The following PLXNA4 variants were observed in gnomAD, a reference collection of about 807,000 sequenced individuals.
PLXNA4 encodes the protein plexin A4.
In PLXNA4, 44 loss-of-function variants were observed where a neutral mutation model predicts 191.8. The ratio of observed to expected loss-of-function variants is 0.23; its 90% CI spans 0.18 to 0.29. The LOEUF (loss-of-function observed/expected upper bound fraction) is 0.29. PLXNA4 is among the 10% of genes least tolerant of loss of function. The probability of loss-of-function intolerance (pLI) is 1.00; values close to 1 mark genes in which losing one functional copy is unlikely to be tolerated. For synonymous variants in PLXNA4, 1,082 were observed against 1,009.5 expected, an observed-to-expected ratio of 1.07 and a Z score of -1.36; for missense variants, 1,800 against 2,488.8, an observed-to-expected ratio of 0.72 and a Z score of 5.89.
chr7:132,580,456 G>A (rs1802381485), upstream of PLXNA4, among the ~76,000 whole-genome samples: 1 of 152,134 alleles, frequency 6.6e-6, no homozygotes, highest in Non-Finnish European at 1.5e-5. Context: ...CTCTTGCCTG[G>A]TCGTGAAACT....
At chr7:132,375,267 C>A (rs757162084) in intron 3 of PLXNA4, among the ~76,000 whole-genome samples, 4 of 144,940 alleles carry the variant, frequency 2.8e-5, no homozygotes, top group Non-Finnish European at 5.9e-5. Flanking sequence ...TGGTCCTTCC[C>A]CTTAACTCCA....
At chr7:132,349,281 C>T (rs1390325754) in intron 3 of PLXNA4, among the ~76,000 whole-genome samples, 2 of 152,138 alleles carry the variant, frequency 1.3e-5, no homozygotes, top group Non-Finnish European at 2.9e-5. Flanking sequence ...TCACTCCCTA[C>T]TGAAATAGAG....
chr7:132,265,968 T>C (rs1799840822), intron 4 of PLXNA4, among the ~76,000 whole-genome samples: 1 of 152,062 alleles, frequency 6.6e-6, no homozygotes, highest in South Asian at 2.1e-4. Context: ...AAAAAGTCAT[T>C]AGAAAAGAGG....
At chr7:132,589,890 A>T (rs1585389730) in intron 2 of PLXNA4, among the ~76,000 whole-genome samples, 1 of 152,348 alleles carries the variant, frequency 6.6e-6, no homozygotes, top group South Asian at 2.1e-4. Flanking sequence ...AGGAGCCAGC[A>T]GACGAGAGAA....
chr7:132,491,401 G>A (rs1797792706), intron 2 of PLXNA4, among the ~76,000 whole-genome samples: 1 of 152,214 alleles, frequency 6.6e-6, no homozygotes, highest in Non-Finnish European at 1.5e-5. Flanking sequence ...GGTGCGGGCA[G>A]GCACTGTCCC....
At chr7:132,542,321 T>C (rs1407698508) in intron 1 of PLXNA4, among the ~76,000 whole-genome samples, 1 of 152,178 alleles carries the variant, frequency 6.6e-6, no homozygotes, top group Non-Finnish European at 1.5e-5. Context: ...CAGATAAAGC[T>C]TGGTAAATAA....
intron 1 of PLXNA4, among the ~76,000 whole-genome samples, chr7:132,551,536 C>A (rs1044683278): frequency 6.6e-6 from 1 of 152,142 alleles, no homozygotes; most frequent in Non-Finnish European, 1.5e-5. Context: ...AGTGAGTATA[C>A]CTCGCTGGAG....
At chr7:132,137,809 GGATGGATGGGAGGACAGGCGGGAC>G (rs1163250676) in intron 30 of PLXNA4, among the ~76,000 whole-genome samples, 17 of 151,970 alleles carry the variant, frequency 1.1e-4, no homozygotes, top group African/African-American at 4.1e-4. Flanking sequence ...GCAGGTGGGA[GGATGGATGGGAGGACAGGCGGGAC>G]GATGGGTTAG....
chr7:132,297,232 A>T (rs571879444), intron 4 of PLXNA4, among the ~76,000 whole-genome samples: 1 of 152,102 alleles, frequency 6.6e-6, no homozygotes, highest in African/African-American at 2.4e-5. Context: ...ATACATATTC[A>T]TGGGATAGAG....
intron 2 of PLXNA4, among the ~76,000 whole-genome samples, chr7:132,591,147 G>C (rs757799339): frequency 6.6e-6 from 1 of 152,184 alleles, no homozygotes; most frequent in African/African-American, 2.4e-5. Context: ...AAGAGTCAAG[G>C]TGTCATCCTC....
At position 132,159,495 on chromosome 7, in the gene PLXNA4, G is replaced by A; in HGVS notation, c.4638C>T (p.Pro1546=). The change falls in exon 25 of 32, where the codon CCC becomes CCT. Residue 1546 remains proline (P), a synonymous_variant. Coordinates refer to ENST00000321063, the MANE Select transcript of PLXNA4 (RefSeq NM_020911.2). ...IFKNVPCSHR[P]KAADMDLEWR... ...CACCCAGATCCATATCTGCAGCTTT[G>A]GGCCGGTGGGAGCAAGGCACATTCT... is the stretch of plus-strand genomic sequence containing the variant. The A allele has an allele frequency of 2.5e-6, 4 of 1,614,120 alleles. No individual in the cohort carries two copies. The highest frequency in any genetic ancestry group is 3.4e-6 in the Non-Finnish European group (4 of 1,180,028).
At chr7:132,397,862 G>A (rs998121693) in intron 3 of PLXNA4, among the ~76,000 whole-genome samples, 2 of 152,226 alleles carry the variant, frequency 1.3e-5, no homozygotes, top group Non-Finnish European at 2.9e-5. Context: ...AGGGGAGAAA[G>A]GTGATATACC....
chr7:132,188,916 G>A lies in PLXNA4; in HGVS notation c.2857-1309C>T, dbSNP rs1019050663. On this transcript the variant is annotated intron_variant, in intron 14 of 31. Coordinates refer to ENST00000321063, the MANE Select transcript of PLXNA4 (RefSeq NM_020911.2). ...CAGTACCTCTTCAAATGGTACTTGT[G>A]CCCATCTTAAAGTATCCCCACCAAC... Among the ~76,000 whole-genome samples, 9 of 137,618 alleles carry A rather than the reference G, an allele frequency of 6.5e-5. 1 individual carries two copies. The highest frequency in any genetic ancestry group is 2.4e-4 in the African/African-American group (9 of 37,720). 90.3% of individuals were successfully genotyped at this position (137,618 alleles called of 152,430 possible). A position where few individuals can be genotyped will look rare whatever the true frequency, so the allele number is the denominator to read the frequency against.
intron 2 of PLXNA4, among the ~76,000 whole-genome samples, chr7:132,597,835 G>A (rs994468028): frequency 1.4e-4 from 18 of 126,140 alleles, no homozygotes; most frequent in African/African-American, 4.9e-4. Flanking sequence ...ATCCATCCAT[G>A]TTGCGCTCTC....
At position 132,203,571 on chromosome 7, in the gene PLXNA4, C is replaced by G. The variant is rs79836203; in HGVS notation, c.2299-152G>C. 5.4e-4 allele frequency: 359 copies of G among 665,620 alleles called. 2 individuals carry two copies. In the African/African-American group the frequency reaches 5.9e-3, roughly 11 times the overall value. 41.2% of individuals were successfully genotyped at this position (665,620 alleles called of 1,614,324 possible). ...GTGCATGTGTCTACCTGTGTGCATA[C>G]AAGTATGCACATGCACATGTGTGTA... On this transcript the variant is annotated intron_variant, in intron 10 of 31. Coordinates refer to ENST00000321063, the MANE Select transcript of PLXNA4 (RefSeq NM_020911.2).
chr7:132,217,653 T>C (rs928483275), intron 9 of PLXNA4, among the ~76,000 whole-genome samples: 6 of 152,174 alleles, frequency 3.9e-5, no homozygotes, highest in Non-Finnish European at 7.3e-5. Flanking sequence ...TACAAAAATG[T>C]AACGCATCAT....
chr7:132,176,362 A>G (rs1310063019), intron 20 of PLXNA4, among the ~76,000 whole-genome samples: 1 of 152,252 alleles, frequency 6.6e-6, no homozygotes, highest in South Asian at 2.1e-4. Flanking sequence ...GTGTGTGTGC[A>G]TGTGTTTTTG....
At chr7:132,419,468 T>A (rs1171259422) in intron 3 of PLXNA4, among the ~76,000 whole-genome samples, 1 of 152,208 alleles carries the variant, frequency 6.6e-6, no homozygotes, top group Non-Finnish European at 1.5e-5. Context: ...ATAAGTAAGA[T>A]AAATAATTCA....
At chr7:132,219,433 C>T (rs955326889) in intron 9 of PLXNA4, among the ~76,000 whole-genome samples, 3 of 152,212 alleles carry the variant, frequency 2.0e-5, no homozygotes, top group African/African-American at 7.2e-5. Flanking sequence ...AGACCAAAGG[C>T]CTCATTTTAC....
Sources: gnomAD v4.1 joint callset for allele counts (sites outside exome capture counted in the v4.1 genomes callset) on GRCh38, gnomAD v4.1.1 for gene constraint, MANE v1.5 for transcripts, NCBI Gene and HGNC (gene_info 2026-07-23, HGNC 2026-07-21) for gene names.